Variants in RECQL5 observed in about 807,000 individuals in gnomAD.
RECQL5 encodes the protein ATP-dependent DNA helicase Q5.
In RECQL5, 88 loss-of-function variants were observed where a neutral mutation model predicts 103.4. That is an observed-to-expected ratio of 0.85 (90% CI 0.72 to 1.02). RECQL5 has a LOEUF of 1.02. RECQL5 is among the 50% of genes least tolerant of loss of function. RECQL5 has a pLI of 0.00. For missense variants in RECQL5, 1,232 were observed against 1,284.3 expected (o/e 0.96, Z 0.62); for synonymous variants, 552 against 507.9 (o/e 1.09, Z -1.17).
At chr17:75,632,930 C>T (rs1598993076) in intron 8 of RECQL5, among the ~76,000 whole-genome samples, 1 of 152,366 alleles carries the variant, frequency 6.6e-6, no homozygotes, top group East Asian at 1.9e-4. Context: ...ACTGCTGCGG[C>T]TGCAAGAAGC....
At chr17:75,663,350 T>C (rs2148345127) in intron 3 of RECQL5, among the ~76,000 whole-genome samples, 1 of 152,080 alleles carries the variant, frequency 6.6e-6, no homozygotes, top group South Asian at 2.1e-4. Flanking sequence ...TGACATGACG[T>C]TGTGCACATG....
chr17:75,642,414 C>T (rs957909738), intron 8 of RECQL5, among the ~76,000 whole-genome samples: 12 of 152,212 alleles, frequency 7.9e-5, no homozygotes, highest in African/African-American at 2.2e-4. Context: ...GCCACACCCC[C>T]GCCATTTCCA....
intron 7 of RECQL5, among the ~76,000 whole-genome samples, chr17:75,651,721 G>A (rs966792540): frequency 2.0e-5 from 3 of 152,158 alleles, no homozygotes; most frequent in African/African-American, 7.2e-5. Context: ...AATTTTCTGG[G>A]ATGAGCTTTT....
chr17:75,630,899 C>T (rs1436713430), intron 11 of RECQL5, 62 bp from the exon 12 acceptor site: 2 of 1,579,864 alleles, frequency 1.3e-6, no homozygotes, highest in Non-Finnish European at 1.7e-6. Context: ...TGAGGTCCCC[C>T]ACAGCCCGGA....
intron 8 of RECQL5, chr17:75,649,644 T>C: frequency 1.0e-6 from 1 of 985,506 alleles, no homozygotes; most frequent in Non-Finnish European, 1.2e-6. Flanking sequence ...GAAGGGGCTT[T>C]TTCTTTGTGC....
chr17:75,632,597 C>T (rs139943475), intron 8 of RECQL5, among the ~76,000 whole-genome samples: 3 of 152,374 alleles, frequency 2.0e-5, no homozygotes, highest in Non-Finnish European at 4.4e-5. Flanking sequence ...AACCCTGCTG[C>T]AGCCCTCCTG....
intron 13 of RECQL5, 76 bp downstream of exon 13, chr17:75,630,542 AG>A (rs917412141): frequency 6.7e-7 from 1 of 1,490,880 alleles, no homozygotes; most frequent in South Asian, 1.1e-5. Flanking sequence ...CAAACAGGCC[AG>A]GGTTGACAGG....
intron 8 of RECQL5, chr17:75,650,825 C>A: frequency 6.7e-7 from 1 of 1,499,876 alleles, no homozygotes. Flanking sequence ...GAGGACTACT[C>A]AAGTGATGCC....
At chr17:75,629,866 C>G (rs777570591) in intron 14 of RECQL5, 24 bp from the exon 15 acceptor site, 19 of 1,559,160 alleles carry the variant, frequency 1.2e-5, no homozygotes, top group Non-Finnish European at 1.5e-5. Flanking sequence ...GGCAGGGAGG[C>G]TGTGGCACCC....
At position 75,627,452 on chromosome 17, in the gene RECQL5, G is replaced by C. The variant is rs1384121681; in HGVS notation, c.2946C>G (p.Asp982Glu). Residue 982 changes from aspartate to glutamate, a missense_variant, in exon 20 of 20, where the codon GAC becomes GAG. Physicochemically the swap from Asp to Glu is conservative, Grantham distance 45 (BLOSUM62 2). Transcript: ENST00000317905. ...TCTGGGGGCCACACAGGCCATGCCA[G>C]TCAGCTTCGCTCTCGCACCGGGCCC... ...HGRARCESEA[D>E]WHGLCGPQR is the part of the protein sequence containing the mutation. The C allele has an allele frequency of 1.2e-6, 2 of 1,613,590 alleles. No homozygotes were observed. Among genetic ancestry groups the C allele is most frequent in the Admixed American group, 1.7e-5 (1 of 60,006 alleles).
At position 75,629,121 on chromosome 17, in the gene RECQL5, A is replaced by G; in HGVS notation, c.2302T>C (p.Phe768Leu). 1 of 1,613,764 alleles carries G rather than the reference A, an allele frequency of 6.2e-7. No homozygotes were observed. The highest frequency in any genetic ancestry group is 8.5e-7 in the Non-Finnish European group (1 of 1,179,980). The change falls in exon 16 of 20, where the codon TTC becomes CTC. Residue 768 changes from phenylalanine to leucine, a missense_variant. Coordinates refer to ENST00000317905, the MANE Select transcript of RECQL5 (RefSeq NM_004259.7). ...HKDSQSIARF[F>L]CRRVESPALL... ...GCTGGGCTTTCCACCCTTCGGCAGAAGAAGCGGGCGATGCTCTGAGAATCC... is the reference window on the plus strand; with the variant it reads ...GCTGGGCTTTCCACCCTTCGGCAGAGGAAGCGGGCGATGCTCTGAGAATCC...
chr17:75,660,112 C>T (rs2059680033), intron 6 of RECQL5, among the ~76,000 whole-genome samples: 1 of 152,000 alleles, frequency 6.6e-6, no homozygotes, highest in South Asian at 2.1e-4. Context: ...TGTTGCCCAG[C>T]CTGAAGTGCA....
intron 7 of RECQL5, among the ~76,000 whole-genome samples, chr17:75,652,197 A>C (rs1226126711): frequency 1.3e-5 from 2 of 152,170 alleles, no homozygotes; most frequent in Non-Finnish European, 2.9e-5. Context: ...ACTGCACTCC[A>C]GCCTGGGCAA....
At position 75,640,040 on chromosome 17, in the gene RECQL5, G is replaced by A. The variant is rs1210593388; in HGVS notation, c.1230-8372C>T. The A allele has an allele frequency of 8.0e-6, 8 of 1,003,936 alleles. No homozygotes were observed. The highest frequency in any genetic ancestry group is 3.3e-5 in the African/African-American group (2 of 60,788). 62.2% of individuals were successfully genotyped at this position (1,003,936 alleles called of 1,614,324 possible). ...CACCACTAGGTGGAAGTCACCAGGGGTGCAATGTGTGAGACCTGACAAACT... is the reference window on the plus strand; with the variant it reads ...CACCACTAGGTGGAAGTCACCAGGGATGCAATGTGTGAGACCTGACAAACT... On this transcript the variant is annotated intron_variant, in intron 8 of 19. Coordinates refer to ENST00000317905, the MANE Select transcript of RECQL5 (RefSeq NM_004259.7). The surrounding 1 kb of genome is among the most constrained non-coding windows in gnomAD (Gnocchi z 4.6).
In RECQL5 at chr17:75,629,173, C is replaced by T; in HGVS notation, c.2250G>A (p.Gln750=). ...TGTGGGCCGCTGTGGCTAGGAGCTGCTGTTTCTTGCTAGCCCGGCCCTTGG... is the reference window on the plus strand; with the variant it reads ...TGTGGGCCGCTGTGGCTAGGAGCTGTTGTTTCTTGCTAGCCCGGCCCTTGG... ...SLAKGRASKK[Q]QLLATAAHKD... is the part of the protein sequence containing the mutation. Residue 750 remains glutamine, a synonymous_variant, in exon 16 of 20, where the codon CAG becomes CAA. Coordinates refer to ENST00000317905, the MANE Select transcript of RECQL5 (RefSeq NM_004259.7). 1 of 1,613,732 alleles carries T rather than the reference C, an allele frequency of 6.2e-7. No individual in the cohort carries two copies. Among genetic ancestry groups the T allele is most frequent in the South Asian group, 1.1e-5 (1 of 91,086 alleles).
At chr17:75,633,494 A>G in intron 8 of RECQL5, 9 of 1,288,978 alleles carry the variant, frequency 7.0e-6, no homozygotes, top group Non-Finnish European at 9.1e-6. Flanking sequence ...CCGGGCGCGC[A>G]GGCCACTCCC....
rs768729269 is a variant in RECQL5 at position 75,629,015 on chromosome 17, T to C, written c.2408A>G (p.Lys803Arg). The C allele has an allele frequency of 6.3e-7, 1 of 1,574,844 alleles. No homozygotes were observed. Among genetic ancestry groups the C allele is most frequent in the East Asian group, 2.2e-5 (1 of 44,468 alleles). Reference sequence around the variant, plus strand: ...GGCTCCATCTTCCTCCCCTGTGTACTTCTCTGGGGCCATCGGGGGTCCCTG... The same window carrying C: ...GGCTCCATCTTCCTCCCCTGTGTACCTCTCTGGGGCCATCGGGGGTCCCTG... The part of the protein sequence containing the change: ...GVQGPPMAPE[K>R]YTGEEDGAGG... Residue 803 changes from lysine to arginine, a missense_variant, in exon 16 of 20, where the codon AAG becomes AGG. Coordinates refer to ENST00000317905, the MANE Select transcript of RECQL5 (RefSeq NM_004259.7).
rs781678454 is a variant in RECQL5 at position 75,651,222 on chromosome 17, G to A, written c.1193C>T (p.Ala398Val). Residue 398 changes from alanine (A) to valine (V), a missense_variant, in exon 8 of 20, where the codon GCC (alanine) becomes GTC (valine). By Grantham distance (64) the Ala-to-Val change is moderately conservative. Coordinates refer to ENST00000317905, the MANE Select transcript of RECQL5 (RefSeq NM_004259.7). ...NKASDKATIM[A>V]FDALVTFCEE... ...ACAGAAGGTCACCAGGGCATCAAAG[G>A]CCATGATAGTGGCTTTATCAGATGC... 10 of 1,614,090 alleles carry A rather than the reference G, an allele frequency of 6.2e-6. No individual in the cohort carries two copies. The South Asian group carries it at 9.9e-5, about 16-fold the overall frequency.
chr17:75,665,360 A>G (rs879633281), intron 2 of RECQL5, among the ~76,000 whole-genome samples, 188 bp from the exon 3 acceptor site: 1 of 152,226 alleles, frequency 6.6e-6, no homozygotes, highest in Non-Finnish European at 1.5e-5. Flanking sequence ...ACTTGGATAC[A>G]TGCCCAAACC....
Sources: allele counts gnomAD v4.1 joint callset (sites outside exome capture counted in the v4.1 genomes callset), GRCh38; gene constraint gnomAD v4.1.1; non-coding constraint Gnocchi (gnomAD v3.1); transcripts MANE v1.5; gene names NCBI Gene and HGNC (gene_info 2026-07-23, HGNC 2026-07-21).